SEMA6D: variants seen among roughly 807,000 people sequenced by gnomAD.
SEMA6D encodes semaphorin-6D.
In SEMA6D, 35 loss-of-function variants were observed where a neutral mutation model predicts 106.6. The ratio of observed to expected loss-of-function variants is 0.33; its 90% CI spans 0.25 to 0.44. The LOEUF is 0.44. SEMA6D is among the 20% of genes least tolerant of loss of function. SEMA6D has a pLI of 1.00. For missense variants in SEMA6D, 1,185 were observed against 1,345.9 expected, an observed-to-expected ratio of 0.88 and a Z score of 1.87; for synonymous variants, 499 against 487.7, an observed-to-expected ratio of 1.02 and a Z score of -0.31.
chr15:47,675,776 G>A (rs1328031551), intron 4 of SEMA6D, among the ~76,000 whole-genome samples: 1 of 152,194 alleles, frequency 6.6e-6, no homozygotes, highest in Non-Finnish European at 1.5e-5. Context: ...ACTGGCTTCT[G>A]TGGTGGTTCT....
chr15:47,525,014 T>A (rs182892487), intron 3 of SEMA6D, among the ~76,000 whole-genome samples: 6 of 152,280 alleles, frequency 3.9e-5, no homozygotes, highest in African/African-American at 1.4e-4. Context: ...GGAAATGGGC[T>A]TTGTTTCTGC....
At chr15:47,498,154 T>A (rs188189545) in intron 3 of SEMA6D, among the ~76,000 whole-genome samples, 17 of 152,300 alleles carry the variant, frequency 1.1e-4, no homozygotes, top group Middle Eastern at 6.8e-3. Context: ...ACAAAGCTAC[T>A]GCCTACAACA....
At chr15:47,700,271 C>G (rs1566997313) in intron 4 of SEMA6D, among the ~76,000 whole-genome samples, 1 of 152,164 alleles carries the variant, frequency 6.6e-6, no homozygotes, top group Non-Finnish European at 1.5e-5. Context: ...TAAACATCAA[C>G]AAACTGATTC....
chr15:47,265,551 G>A (rs1474689106), intron 1 of SEMA6D, among the ~76,000 whole-genome samples: 1 of 150,832 alleles, frequency 6.6e-6, no homozygotes, highest in African/African-American at 2.5e-5. Flanking sequence ...ACTTACAATG[G>A]CTACTTTAAA....
At chr15:47,241,794 T>G (rs2032926390) in intron 1 of SEMA6D, among the ~76,000 whole-genome samples, 1 of 152,086 alleles carries the variant, frequency 6.6e-6, no homozygotes, top group Non-Finnish European at 1.5e-5. Context: ...TTCTGCCTGA[T>G]TACACATTTC....
chr15:47,232,173 A>G (rs563129350), intron 1 of SEMA6D, among the ~76,000 whole-genome samples: 1 of 152,054 alleles, frequency 6.6e-6, no homozygotes, highest in African/African-American at 2.4e-5. Context: ...ATGTTGCAGT[A>G]TGATCAATAC....
intron 1 of SEMA6D, among the ~76,000 whole-genome samples, chr15:47,364,996 A>G (rs1403498948): frequency 1.3e-5 from 2 of 152,220 alleles, no homozygotes; most frequent in Non-Finnish European, 2.9e-5. Flanking sequence ...TCCATCAAGT[A>G]CAAGCATCTG....
intron 4 of SEMA6D, among the ~76,000 whole-genome samples, chr15:47,644,641 G>A (rs924725898): frequency 1.3e-5 from 2 of 152,210 alleles, no homozygotes; most frequent in African/African-American, 4.8e-5. Flanking sequence ...TGCCCTTTGA[G>A]AGTGTAGCAA....
At chr15:47,559,669 A>G (rs2046020128) in intron 3 of SEMA6D, among the ~76,000 whole-genome samples, 1 of 152,120 alleles carries the variant, frequency 6.6e-6, no homozygotes, top group Admixed American at 6.6e-5. Flanking sequence ...TAAGCAGTCC[A>G]CATATTCTGA....
rs370537990 is a variant in SEMA6D, at chr15:47,384,627, G to T, written c.-238-27766G>T. On this transcript the variant is annotated intron_variant, in intron 1 of 19. Transcript: ENST00000558014. Reference sequence around the variant, plus strand: ...GATGTCTGAGTGGAGAGCTCCAAACGCCTACACGCCTCATGCCCAGAAGCT... The same window carrying T: ...GATGTCTGAGTGGAGAGCTCCAAACTCCTACACGCCTCATGCCCAGAAGCT... Among the ~76,000 whole-genome samples the T allele has an allele frequency of 3.9e-5, 6 of 152,062 alleles. 1 individual carries two copies. In the South Asian group the frequency reaches 1.3e-3, roughly 32 times the overall value.
At chr15:47,217,305 A>G (rs282521) in intron 1 of SEMA6D, among the ~76,000 whole-genome samples, 7,832 of 152,254 alleles carry the variant, frequency 0.051, 266 homozygotes, top group South Asian at 0.12. Flanking sequence ...TAGTACCATT[A>G]ACCCAACAAC....
intron 1 of SEMA6D, among the ~76,000 whole-genome samples, chr15:47,192,058 G>T (rs1181547785): frequency 1.3e-5 from 2 of 152,110 alleles, no homozygotes; most frequent in African/African-American, 2.4e-5. Context: ...CACAACCATG[G>T]TGTCATTTCG....
intron 1 of SEMA6D, among the ~76,000 whole-genome samples, chr15:47,271,874 T>C (rs987417192): frequency 9.8e-5 from 15 of 152,324 alleles, no homozygotes; most frequent in African/African-American, 3.4e-4. Flanking sequence ...GCTGGAATAT[T>C]GATGCATTTG....
chr15:47,401,556 C>T (rs1335626301), intron 1 of SEMA6D, among the ~76,000 whole-genome samples: 1 of 152,188 alleles, frequency 6.6e-6, no homozygotes, highest in Non-Finnish European at 1.5e-5. Flanking sequence ...CTTCCACCTG[C>T]TCACCCAATA....
At chr15:47,249,143 G>A (rs2033367401) in intron 1 of SEMA6D, among the ~76,000 whole-genome samples, 1 of 152,148 alleles carries the variant, frequency 6.6e-6, no homozygotes, top group South Asian at 2.1e-4. Flanking sequence ...CAGGAGAATC[G>A]CCTGAGCACA....
At chr15:47,628,058 A>T (rs1685416057) in intron 4 of SEMA6D, among the ~76,000 whole-genome samples, 1 of 152,090 alleles carries the variant, frequency 6.6e-6, no homozygotes, top group African/African-American at 2.4e-5. Flanking sequence ...ACATGCTATT[A>T]GCCTACCCCT....
At chr15:47,614,943 C>T (rs969340415) in intron 4 of SEMA6D, among the ~76,000 whole-genome samples, 4 of 152,130 alleles carry the variant, frequency 2.6e-5, no homozygotes, top group African/African-American at 4.8e-5. Flanking sequence ...GGCCAATTTT[C>T]GTCAATTATT....
intron 1 of SEMA6D, among the ~76,000 whole-genome samples, chr15:47,329,791 C>G (rs978179532): frequency 1.3e-5 from 2 of 152,174 alleles, no homozygotes; most frequent in African/African-American, 4.8e-5. Context: ...TGTTTTTTAA[C>G]AAGATCTTTC....
chr15:47,460,523 T>A (rs1596053729), intron 2 of SEMA6D, among the ~76,000 whole-genome samples: 1 of 152,070 alleles, frequency 6.6e-6, no homozygotes, highest in Non-Finnish European at 1.5e-5. Context: ...GATTAAAAAC[T>A]ACATCATGAT....
Sources: gnomAD v4.1 joint callset for allele counts (sites outside exome capture counted in the v4.1 genomes callset) on GRCh38, gnomAD v4.1.1 for gene constraint, MANE v1.5 for transcripts, NCBI Gene and HGNC (gene_info 2026-07-23, HGNC 2026-07-21) for gene names.